TENM4: variants seen among roughly 807,000 people sequenced by gnomAD.
TENM4 encodes teneurin-4.
Under a neutral mutation model 243.3 loss-of-function variants are expected in TENM4, and 82 were observed. The observed-to-expected ratio is 0.34, with a 90% CI of 0.28 to 0.40. The LOEUF (loss-of-function observed/expected upper bound fraction) is 0.40, where lower values mean the gene tolerates loss of function less well. Among genes scored for constraint, TENM4 ranks in the 10% least tolerant of loss-of-function variants. The pLI is 1.00. For missense variants in TENM4, 3,138 were observed against 3,673.3 expected (o/e 0.85, Z 3.77); for synonymous variants, 1,412 against 1,456.3 (o/e 0.97, Z 0.69).
chr11:79,192,791 C>G (rs555904060), intron 3 of TENM4, among the ~76,000 whole-genome samples: 147 of 152,126 alleles, frequency 9.7e-4, no homozygotes, highest in African/African-American at 3.4e-3. Flanking sequence ...AGCACAGAGT[C>G]TGTATCAGTA....
chr11:79,287,271 T>G (rs1856273543), intron 2 of TENM4, among the ~76,000 whole-genome samples: 1 of 152,154 alleles, frequency 6.6e-6, no homozygotes. Context: ...ACATTCTTGG[T>G]TACATGCCAT....
intron 33 of TENM4, among the ~76,000 whole-genome samples, chr11:78,659,072 G>A (rs1352559479): frequency 6.6e-6 from 1 of 152,168 alleles, no homozygotes; most frequent in Non-Finnish European, 1.5e-5. Flanking sequence ...AGGTCGTTTT[G>A]TGAGCACTGG....
chr11:79,007,895 A>C (rs966105920), intron 6 of TENM4, among the ~76,000 whole-genome samples: 1 of 151,972 alleles, frequency 6.6e-6, no homozygotes, highest in African/African-American at 2.4e-5. Context: ...TCTGCCCTGG[A>C]TCCCTGTCTT....
At chr11:79,219,558 T>C (rs1422522094) in intron 2 of TENM4, among the ~76,000 whole-genome samples, 1 of 152,174 alleles carries the variant, frequency 6.6e-6, no homozygotes, top group African/African-American at 2.4e-5. Flanking sequence ...GCATTATCCT[T>C]CCAGACTTGC....
intron 6 of TENM4, among the ~76,000 whole-genome samples, chr11:79,002,610 C>A (rs569418729): frequency 1.3e-5 from 2 of 152,128 alleles, no homozygotes; most frequent in Non-Finnish European, 2.9e-5. Context: ...AAAATCAAAC[C>A]CCCAAGCGCA....
At chr11:79,175,887 C>G (rs1235180415) in intron 3 of TENM4, among the ~76,000 whole-genome samples, 3 of 152,064 alleles carry the variant, frequency 2.0e-5, no homozygotes, top group African/African-American at 7.2e-5. Flanking sequence ...GAGTTTGAGA[C>G]CAGCCTGGGC....
intron 3 of TENM4, among the ~76,000 whole-genome samples, chr11:79,199,592 G>T (rs571192345): frequency 6.6e-6 from 1 of 152,316 alleles, no homozygotes; most frequent in Admixed American, 6.5e-5. Flanking sequence ...CCCAGAAATG[G>T]GTGGAGCTCT....
intron 9 of TENM4, among the ~76,000 whole-genome samples, chr11:78,888,039 G>A (rs1483811594): frequency 6.6e-6 from 1 of 152,178 alleles, no homozygotes; most frequent in Non-Finnish European, 1.5e-5. Flanking sequence ...AAACCTTCAT[G>A]CCAAGTAATG....
intron 2 of TENM4, among the ~76,000 whole-genome samples, chr11:79,255,284 A>C (rs946133331): frequency 1.3e-5 from 2 of 152,192 alleles, no homozygotes; most frequent in Non-Finnish European, 2.9e-5. Flanking sequence ...TGCCCAGTGC[A>C]CAGAAGGACC....
At chr11:78,744,630 A>T (rs944346126) in intron 19 of TENM4, among the ~76,000 whole-genome samples, 6 of 152,228 alleles carry the variant, frequency 3.9e-5, no homozygotes, top group African/African-American at 1.4e-4. Context: ...CAGGGTTCAC[A>T]TAATTAGAGC....
chr11:78,907,048 G>A (rs919046648), intron 6 of TENM4, among the ~76,000 whole-genome samples: 1 of 152,100 alleles, frequency 6.6e-6, no homozygotes, highest in Non-Finnish European at 1.5e-5. Context: ...GCAGAGGCTT[G>A]AGCTAGGCCC....
chr11:79,298,987 C>T (rs1856506072), intron 1 of TENM4, among the ~76,000 whole-genome samples: 1 of 152,098 alleles, frequency 6.6e-6, no homozygotes, highest in South Asian at 2.1e-4. Flanking sequence ...AACAACGTTG[C>T]TAACAGCGTA....
At chr11:78,795,597 G>A (rs749109369) in intron 15 of TENM4, among the ~76,000 whole-genome samples, 16 of 152,128 alleles carry the variant, frequency 1.1e-4, no homozygotes, top group Non-Finnish European at 2.1e-4. Context: ...CTGAGGATAC[G>A]AGATTATATG....
At chr11:79,184,807 A>G (rs1863353014) in intron 3 of TENM4, among the ~76,000 whole-genome samples, 1 of 152,168 alleles carries the variant, frequency 6.6e-6, no homozygotes, top group Admixed American at 6.5e-5. Context: ...TTGTACAACA[A>G]TGTGAATGTA....
intron 1 of TENM4, among the ~76,000 whole-genome samples, chr11:79,377,308 G>A (rs1228943413): frequency 6.6e-6 from 1 of 152,174 alleles, no homozygotes; most frequent in African/African-American, 2.4e-5. Flanking sequence ...CACCAAGTTT[G>A]TGGTAATTTG....
chr11:78,871,788 T>C (rs1392349638), intron 9 of TENM4, among the ~76,000 whole-genome samples: 1 of 152,138 alleles, frequency 6.6e-6, no homozygotes, highest in African/African-American at 2.4e-5. Flanking sequence ...CAGCCCTCCC[T>C]TTAGGGCAGG....
intron 4 of TENM4, among the ~76,000 whole-genome samples, chr11:79,136,268 C>A (rs1047543613): frequency 1.3e-5 from 2 of 152,162 alleles, no homozygotes; most frequent in African/African-American, 4.8e-5. Context: ...AAGATATCTG[C>A]ATCCCATGTA....
chr11:79,337,537 C>T (rs1857167084), intron 1 of TENM4, among the ~76,000 whole-genome samples: 1 of 152,190 alleles, frequency 6.6e-6, no homozygotes, highest in Middle Eastern at 3.4e-3. Flanking sequence ...GGGAGAATAG[C>T]CAGAAAGGGT....
intron 4 of TENM4, among the ~76,000 whole-genome samples, chr11:79,103,891 G>GT (rs1861296721): frequency 6.6e-6 from 1 of 152,106 alleles, no homozygotes. Flanking sequence ...GGGTCCTATG[G>GT]TTTTTTGAAT....
Sources: gnomAD v4.1 joint callset for allele counts (sites outside exome capture counted in the v4.1 genomes callset) on GRCh38, gnomAD v4.1.1 for gene constraint, MANE v1.5 for transcripts, NCBI Gene and HGNC (gene_info 2026-07-23, HGNC 2026-07-21) for gene names.